The following VSTM4 variants were observed in gnomAD, a reference collection of about 807,000 sequenced individuals.
VSTM4 encodes V-set and transmembrane domain containing 4.
A neutral mutation model predicts 36.4 loss-of-function variants in VSTM4; 20 were observed. The ratio of observed to expected loss-of-function variants is 0.55; its 90% CI spans 0.39 to 0.80. The LOEUF (loss-of-function observed/expected upper bound fraction) is 0.80. Ranked by LOEUF, VSTM4 falls within the 30% of genes least tolerant of loss-of-function variation. The probability of loss-of-function intolerance (pLI) is 0.00; values close to 1 mark genes in which losing one functional copy is unlikely to be tolerated. For synonymous variants in VSTM4, 182 were observed against 173.9 expected (o/e 1.05, Z -0.37); for missense variants, 392 against 404.5 (o/e 0.97, Z 0.26).
At chr10:49,087,436 G>A (rs1417436336) in intron 2 of VSTM4, among the ~76,000 whole-genome samples, 1 of 152,136 alleles carries the variant, frequency 6.6e-6, no homozygotes, top group Non-Finnish European at 1.5e-5. Context: ...TTGAATGCCA[G>A]ACATTGTATA....
At position 49,044,531 on chromosome 10, in the gene VSTM4, AG is replaced by A. The variant is rs1448353767; in HGVS notation, c.837+2451del. 4.0e-5 allele frequency among the ~76,000 whole-genome samples: 6 copies of A among 149,780 alleles called. No homozygotes were observed. The East Asian group carries it at 1.2e-3, about 29-fold the overall frequency. ...GAAGGAGAAAAAGAAAGAAAGAAAA[AG>A]AAAGAAAGAAAGGAAGAAAGGAAGG... On this transcript the variant is annotated intron_variant, in intron 7 of 7. Coordinates refer to ENST00000332853, the MANE Select transcript of VSTM4 (RefSeq NM_001031746.5).
At position 49,019,667 on chromosome 10, in the gene VSTM4, C is replaced by T. The variant is rs770868197; in HGVS notation, c.946G>A (p.Glu316Lys). 14 of 1,612,386 alleles carry T rather than the reference C, an allele frequency of 8.7e-6. No individual in the cohort carries two copies. Among genetic ancestry groups the T allele is most frequent in the East Asian group, 2.2e-5 (1 of 44,830 alleles). The change falls in exon 8 of 8, where the codon GAG (glutamate) becomes AAG (lysine). Residue 316 changes from glutamate (E) to lysine (K), a missense_variant. Physicochemically the swap from Glu to Lys is moderately conservative, Grantham distance 56. Coordinates refer to ENST00000332853, the MANE Select transcript of VSTM4 (RefSeq NM_001031746.5). ...TSTVYAQILFEENKL is the reference protein window; with the variant it reads ...TSTVYAQILFKENKL ...ACGCTGTACTACAGCTTGTTCTCCT[C>T]GAAGAGGATCTGGGCGTAGACAGTG... is the stretch of plus-strand genomic sequence containing the variant.
chr10:49,055,413 C>T (rs997983613), intron 5 of VSTM4, among the ~76,000 whole-genome samples: 6 of 152,182 alleles, frequency 3.9e-5, no homozygotes, highest in Non-Finnish European at 5.9e-5. Context: ...ACAGCACACT[C>T]GCCACCCCAT....
Position 49,077,307 on chromosome 10 carries a change from G to C in VSTM4, c.546C>G (p.Val182=), listed in dbSNP as rs749822714. ...TGAGGATCCCCACGCAGCACACGAG[G>C]ACAGCATACACATAGAGATCTGAAA... The part of the protein sequence containing the change: ...AFFEDLYVYA[V]LVCCVGILSI... Residue 182 remains valine, a synonymous_variant, in exon 4 of 8, where the codon GTC becomes GTG. Coordinates refer to ENST00000332853, the MANE Select transcript of VSTM4 (RefSeq NM_001031746.5). 1.2e-6 allele frequency: 2 copies of C among 1,614,204 alleles called. No homozygotes were observed. The highest frequency in any genetic ancestry group is 1.6e-4 in the Middle Eastern group (1 of 6,062).
intron 5 of VSTM4, among the ~76,000 whole-genome samples, chr10:49,063,755 G>A (rs4550151): frequency 0.2 from 29,801 of 152,110 alleles, 4,517 homozygotes; most frequent in African/African-American, 0.41. Context: ...AGATGAAGAA[G>A]CTTCCTTGCT....
chr10:49,095,725 C>A (rs1479683437), intron 2 of VSTM4, among the ~76,000 whole-genome samples: 6 of 152,176 alleles, frequency 3.9e-5, no homozygotes, highest in Non-Finnish European at 1.5e-5. Flanking sequence ...GTCAGCCTCA[C>A]CCCCTCGTCT....
chr10:49,047,696 C>A (rs1311178705), intron 6 of VSTM4, among the ~76,000 whole-genome samples: 1 of 152,222 alleles, frequency 6.6e-6, no homozygotes, highest in Admixed American at 6.5e-5. Context: ...CATCCCCCTG[C>A]AGTACAACCA....
intron 5 of VSTM4, among the ~76,000 whole-genome samples, chr10:49,054,438 T>A (rs1043623435): frequency 6.6e-6 from 1 of 152,216 alleles, no homozygotes; most frequent in Non-Finnish European, 1.5e-5. Context: ...TCTTGGGGAC[T>A]GAGGGTGTGG....
At chr10:49,030,696 G>A (rs1215449215) in intron 7 of VSTM4, among the ~76,000 whole-genome samples, 1 of 152,210 alleles carries the variant, frequency 6.6e-6, no homozygotes, top group African/African-American at 2.4e-5. Context: ...TCAGCAAAGT[G>A]CGTCCTCAGA....
chr10:49,017,139 T>C lies in VSTM4; in HGVS notation c.*2511A>G, dbSNP rs1178046096. ...TATGTGATATGTTTCCCCTTATCTT[T>C]GGAAATGACAATGCATGATTAGTGG... On this transcript the variant is annotated 3_prime_UTR_variant, in exon 8 of 8. Transcript: ENST00000332853. 1 of 152,258 alleles carries C rather than the reference T, an allele frequency of 6.6e-6. No homozygotes were observed. The highest frequency in any genetic ancestry group is 1.5e-5 in the Non-Finnish European group (1 of 68,034). 9.4% of individuals were successfully genotyped at this position (152,258 alleles called of 1,614,324 possible).
intron 2 of VSTM4, among the ~76,000 whole-genome samples, chr10:49,091,955 G>A (rs1039668966): frequency 2.0e-5 from 3 of 152,218 alleles, no homozygotes; most frequent in Admixed American, 1.3e-4. Flanking sequence ...GAGGAAAGTG[G>A]TGGGGCCCTG....
chr10:49,038,369 C>T (rs1354673614), intron 7 of VSTM4, among the ~76,000 whole-genome samples: 3 of 152,190 alleles, frequency 2.0e-5, no homozygotes, highest in Admixed American at 2.0e-4. Flanking sequence ...AGGACAAATA[C>T]TGCATGATTC....
chr10:49,054,487 G>A (rs1035215277), intron 5 of VSTM4, among the ~76,000 whole-genome samples: 17 of 152,300 alleles, frequency 1.1e-4, no homozygotes, highest in Admixed American at 9.8e-4. Context: ...AGAAGGAAGC[G>A]CAGAGGAGGA....
chr10:49,106,961 C>T (rs1844793978), intron 2 of VSTM4, among the ~76,000 whole-genome samples: 1 of 152,232 alleles, frequency 6.6e-6, no homozygotes, highest in South Asian at 2.1e-4. Flanking sequence ...TTCCAGCCAA[C>T]ACCTGAAGAC....
chr10:49,085,939 A>C lies in VSTM4; in HGVS notation c.526+16T>G. 2 of 1,526,022 alleles carry C rather than the reference A, an allele frequency of 1.3e-6. No individual in the cohort carries two copies. The highest frequency in any genetic ancestry group is 1.4e-5 in the African/African-American group (1 of 71,444). 94.5% of individuals were successfully genotyped at this position (1,526,022 alleles called of 1,614,324 possible). On this transcript the variant is annotated intron_variant, in intron 3 of 7. Transcript: ENST00000332853. ...CAACTATAGAGCAATAAAAAAAAGA[A>C]ATATACAAGCTTTACCTTCAAAAAA... is the stretch of plus-strand genomic sequence containing the variant.
In VSTM4 at chr10:49,026,915, G is replaced by T. The variant is rs569838460; in HGVS notation, c.838-7140C>A. 7.2e-5 allele frequency among the ~76,000 whole-genome samples: 11 copies of T among 152,278 alleles called. No individual in the cohort carries two copies. In the East Asian group the frequency reaches 1.9e-3, roughly 27 times the overall value. On this transcript the variant is annotated intron_variant, in intron 7 of 7. Coordinates refer to ENST00000332853, the MANE Select transcript of VSTM4 (RefSeq NM_001031746.5). The stretch of plus-strand genomic sequence containing the variant: ...CACTACGGATGCAAAAGAGCCATGT[G>T]ATCTGCTCAGTCCTCTTTCCAGGCT...
At chr10:49,090,950 C>T (rs1458039372) in intron 2 of VSTM4, among the ~76,000 whole-genome samples, 2 of 151,572 alleles carry the variant, frequency 1.3e-5, no homozygotes, top group Non-Finnish European at 2.9e-5. Flanking sequence ...TGCAAGGACC[C>T]TGACCTCCTG....
At chr10:49,044,756 G>C (rs772677578) in intron 7 of VSTM4, among the ~76,000 whole-genome samples, 1 of 148,812 alleles carries the variant, frequency 6.7e-6, no homozygotes, top group Non-Finnish European at 1.5e-5. Context: ...GGTGCTTTAT[G>C]TGTCTCGTTT....
intron 4 of VSTM4, among the ~76,000 whole-genome samples, chr10:49,066,647 T>A (rs1843978969): frequency 6.6e-6 from 1 of 152,148 alleles, no homozygotes; most frequent in Admixed American, 6.5e-5. Context: ...AAAATAAAAA[T>A]CAATTTCAAT....
Sources: allele counts gnomAD v4.1 joint callset (sites outside exome capture counted in the v4.1 genomes callset), GRCh38; gene constraint gnomAD v4.1.1; transcripts MANE v1.5; gene names NCBI Gene and HGNC (gene_info 2026-07-23, HGNC 2026-07-21).